The following CACUL1 variants were observed in gnomAD, a reference collection of about 807,000 sequenced individuals.
CACUL1 encodes the protein CDK2 associated cullin domain 1.
In CACUL1, 13 loss-of-function variants were observed where a neutral mutation model predicts 45.2. That is an observed-to-expected ratio of 0.29 (90% CI 0.19 to 0.46). CACUL1 has a LOEUF of 0.46. CACUL1 is among the 20% of genes least tolerant of loss of function. The pLI is 1.00. For missense variants in CACUL1, 421 were observed against 471.4 expected (o/e 0.89, Z 0.99); for synonymous variants, 197 against 174.2 (o/e 1.13, Z -1.03).
intron 3 of CACUL1, among the ~76,000 whole-genome samples, chr10:118,723,533 C>T (rs1564835239): frequency 2.0e-5 from 3 of 152,108 alleles, no homozygotes. Flanking sequence ...CTGAAAAACA[C>T]TTTTATTTGT....
rs12413302 is a variant in CACUL1, at chr10:118,740,867, A to C, written c.368-10457T>G. ...CGTGAACCCGGGAGACGGAGCTTGC[A>C]GTGAGCCAAGATCGCGCCACCGCAC... On this transcript the variant is annotated intron_variant, in intron 1 of 8. Transcript: ENST00000369151. 1.1e-4 allele frequency among the ~76,000 whole-genome samples: 17 copies of C among 150,860 alleles called. No homozygotes were observed. In the South Asian group the frequency reaches 3.6e-3, roughly 32 times the overall value.
intron 7 of CACUL1, among the ~76,000 whole-genome samples, chr10:118,687,787 C>T (rs1204544120): frequency 6.6e-6 from 1 of 152,204 alleles, no homozygotes; most frequent in Non-Finnish European, 1.5e-5. Context: ...CAGCACTTTA[C>T]TACTTACTGT....
At position 118,686,029 on chromosome 10, in the gene CACUL1, A is replaced by G. The variant is rs1845201753; in HGVS notation, c.*99T>C. ...TCTTCCATGAACAGCTTTGTGACAG[A>G]GCTCCTGAGTGTGTGCAGCCCCCAC... is the stretch of plus-strand genomic sequence containing the variant. On this transcript the variant is annotated 3_prime_UTR_variant, in exon 9 of 9. Transcript: ENST00000369151. The G allele has an allele frequency of 1.4e-6, 1 of 730,160 alleles. No individual in the cohort carries two copies. 45.2% of individuals were successfully genotyped at this position (730,160 alleles called of 1,614,324 possible).
intron 3 of CACUL1, among the ~76,000 whole-genome samples, chr10:118,720,791 G>A (rs1279536950): frequency 1.3e-5 from 2 of 152,182 alleles, no homozygotes; most frequent in Non-Finnish European, 2.9e-5. Flanking sequence ...TCTTTCAAAG[G>A]AAGATAGTAA....
intron 1 of CACUL1, among the ~76,000 whole-genome samples, chr10:118,741,090 G>C (rs1244966532): frequency 1.3e-5 from 2 of 152,070 alleles, no homozygotes; most frequent in Admixed American, 1.3e-4. Flanking sequence ...AATACCAGAA[G>C]AAACAGCTAA....
At chr10:118,709,383 T>C (rs1481409825) in intron 3 of CACUL1, among the ~76,000 whole-genome samples, 1 of 152,212 alleles carries the variant, frequency 6.6e-6, no homozygotes, top group African/African-American at 2.4e-5. Flanking sequence ...TTTCATTCTA[T>C]TCTCTAAAGC....
chr10:118,679,825 T>A lies in CACUL1; in HGVS notation c.*6303A>T, dbSNP rs1845136333. ...TGAGCCACCATGCTCGGCCCTAATTTAAAAAATTTTTTTGTAGAGATGGGG... is the reference window on the plus strand; with the variant it reads ...TGAGCCACCATGCTCGGCCCTAATTAAAAAAATTTTTTTGTAGAGATGGGG... On this transcript the variant is annotated 3_prime_UTR_variant, in exon 9 of 9. Transcript: ENST00000369151. The A allele has an allele frequency of 6.6e-6, 1 of 152,122 alleles. No homozygotes were observed. 9.4% of individuals were successfully genotyped at this position (152,122 alleles called of 1,614,324 possible). A position where few individuals can be genotyped will look rare whatever the true frequency, so the allele number is the denominator to read the frequency against.
Position 118,695,203 on chromosome 10 carries a change from G to T in CACUL1, c.824C>A (p.Pro275Gln). Residue 275 changes from proline to glutamine, a missense_variant, in exon 6 of 9, where the codon CCA (proline) becomes CAA (glutamine). Around this residue, in one of 2 missense-constraint regions of CACUL1, gnomAD observed 208 missense variants for 298.4 expected, o/e 0.70. Transcript: ENST00000369151. ...CATAGTTGAAGGTGTGACCTGAAATGGTGTTGACTGGGCTTCTAAAAGTAA... is the reference window on the plus strand; with the variant it reads ...CATAGTTGAAGGTGTGACCTGAAATTGTGTTGACTGGGCTTCTAAAAGTAA... ...MPLLLEAQST[P>Q]FQVTPSTMAN... is the part of the protein sequence containing the mutation. The T allele has an allele frequency of 6.2e-7, 1 of 1,606,298 alleles. No homozygotes were observed. Among genetic ancestry groups the T allele is most frequent in the Non-Finnish European group, 8.5e-7 (1 of 1,173,028 alleles).
At chr10:118,743,692 G>A (rs1055320540) in intron 1 of CACUL1, among the ~76,000 whole-genome samples, 3 of 151,940 alleles carry the variant, frequency 2.0e-5, no homozygotes, top group Admixed American at 2.0e-4. Flanking sequence ...TCGCGCCACT[G>A]CACTCCAGCC....
chr10:118,712,954 T>C lies in CACUL1; in HGVS notation c.598-5367A>G, dbSNP rs538444947. Reference sequence around the variant, plus strand: ...CTTCAGGCCCTCCTTAGCTTGAAGGTGGAGGCCTCACTGGGGACCTGCCCT... The same window carrying C: ...CTTCAGGCCCTCCTTAGCTTGAAGGCGGAGGCCTCACTGGGGACCTGCCCT... On this transcript the variant is annotated intron_variant, in intron 3 of 8. Transcript: ENST00000369151. Among the ~76,000 whole-genome samples, 312 of 152,300 alleles carry C rather than the reference T, an allele frequency of 2.0e-3. 1 individual carries two copies. Among genetic ancestry groups the C allele is most frequent in the Middle Eastern group, 6.8e-3 (2 of 294 alleles).
chr10:118,731,382 A>T (rs1007767517), intron 1 of CACUL1, among the ~76,000 whole-genome samples: 1 of 152,184 alleles, frequency 6.6e-6, no homozygotes, highest in Non-Finnish European at 1.5e-5. Flanking sequence ...TTTTTATCAC[A>T]TTATCGATTT....
intron 3 of CACUL1, among the ~76,000 whole-genome samples, chr10:118,721,816 A>G (rs1564834870): frequency 6.6e-6 from 1 of 152,184 alleles, no homozygotes; most frequent in African/African-American, 2.4e-5. Flanking sequence ...GTGAAAATAT[A>G]CTCTCTTTTA....
At chr10:118,709,033 AG>A (rs1208035749) in intron 3 of CACUL1, among the ~76,000 whole-genome samples, 10 of 152,248 alleles carry the variant, frequency 6.6e-5, no homozygotes, top group African/African-American at 2.4e-4. Context: ...ACTGTTGACC[AG>A]AAGTCTCACT....
rs1446608372 is a variant in CACUL1, at chr10:118,677,923, C to T, written c.*8205G>A. 1 of 152,162 alleles carries T rather than the reference C, an allele frequency of 6.6e-6. No individual in the cohort carries two copies. Among genetic ancestry groups the T allele is most frequent in the Admixed American group, 6.5e-5 (1 of 15,288 alleles). 9.4% of individuals were successfully genotyped at this position (152,162 alleles called of 1,614,324 possible). The stretch of plus-strand genomic sequence containing the variant: ...AATTTCATTAGATAATACTGTTCTC[C>T]AAAGTAGAAGTGCAGATTTACACGC... On this transcript the variant is annotated 3_prime_UTR_variant, in exon 9 of 9. Transcript: ENST00000369151.
chr10:118,732,941 A>C (rs573800709), intron 1 of CACUL1, among the ~76,000 whole-genome samples: 1 of 152,302 alleles, frequency 6.6e-6, no homozygotes, highest in East Asian at 1.9e-4. Flanking sequence ...AAACCACATG[A>C]AATACCTCTC....
At chr10:118,746,425 A>G (rs1255466789) in intron 1 of CACUL1, among the ~76,000 whole-genome samples, 2 of 152,218 alleles carry the variant, frequency 1.3e-5, no homozygotes, top group Admixed American at 6.5e-5. Flanking sequence ...ACGGAGCCTC[A>G]ATCCTTATCT....
intron 3 of CACUL1, among the ~76,000 whole-genome samples, chr10:118,720,041 G>C (rs917634997): frequency 6.6e-6 from 1 of 152,142 alleles, no homozygotes; most frequent in African/African-American, 2.4e-5. Context: ...AGTCAATTGA[G>C]TCTTAGATAG....
At chr10:118,687,453 T>C (rs752839566) in intron 7 of CACUL1, among the ~76,000 whole-genome samples, 20 of 152,150 alleles carry the variant, frequency 1.3e-4, no homozygotes, top group Admixed American at 2.6e-4. Flanking sequence ...CATCCTCTCT[T>C]TTCCTCATTC....
In CACUL1 at chr10:118,707,511, A is replaced by G. The variant is rs763667911; in HGVS notation, c.674T>C (p.Val225Ala). 1 of 1,544,200 alleles carries G rather than the reference A, an allele frequency of 6.5e-7. No homozygotes were observed. The highest frequency in any genetic ancestry group is 9.0e-7 in the Non-Finnish European group (1 of 1,117,228). ...ACTTACCATATATATGAAAAGAGGCACAATGCTCTGCAATGCTCCCATATA... is the reference window on the plus strand; with the variant it reads ...ACTTACCATATATATGAAAAGAGGCGCAATGCTCTGCAATGCTCCCATATA... ...GQYMGALQSIVPLFIYMNKFY... is the reference protein window; with the variant it reads ...GQYMGALQSIAPLFIYMNKFY... The change falls in exon 4 of 9, where the codon GTG becomes GCG. Residue 225 changes from valine to alanine, a missense_variant. Around this residue, in one of 2 missense-constraint regions of CACUL1, gnomAD observed 208 missense variants for 298.4 expected, o/e 0.70. Transcript: ENST00000369151.
Sources: allele counts gnomAD v4.1 joint callset (sites outside exome capture counted in the v4.1 genomes callset), GRCh38; gene constraint gnomAD v4.1.1; regional missense constraint gnomAD v4.1.1; transcripts MANE v1.5; gene names NCBI Gene and HGNC (gene_info 2026-07-23, HGNC 2026-07-21).